Variants in CCDC148 observed in about 807,000 individuals in gnomAD.
CCDC148 encodes coiled-coil domain-containing protein 148.
In CCDC148, 89 loss-of-function variants were observed where a neutral mutation model predicts 85.7. The observed-to-expected ratio is 1.04, with a 90% CI of 0.87 to 1.24. CCDC148 has a LOEUF of 1.24. Among genes scored for constraint, CCDC148 ranks in the 50% most tolerant of loss-of-function variants. CCDC148 has a pLI of 0.00. For missense variants in CCDC148, 692 were observed against 671.7 expected (o/e 1.03, Z -0.33); for synonymous variants, 230 against 213.9 (o/e 1.08, Z -0.66).
chr2:158,248,026 C>G lies in CCDC148; in HGVS notation c.1251+2746G>C, dbSNP rs534617143. ...ATCAACCCATCATCTAGGTTTTAAG[C>G]CCTGCATGCATTAGGTATTTGTCCT... On this transcript the variant is annotated intron_variant, in intron 10 of 13. Coordinates refer to ENST00000283233, the MANE Select transcript of CCDC148 (RefSeq NM_138803.4). Among the ~76,000 whole-genome samples, 35 of 152,180 alleles carry G rather than the reference C, an allele frequency of 2.3e-4. No homozygotes were observed. The East Asian group carries it at 6.4e-3, about 28-fold the overall frequency.
At chr2:158,192,583 T>C (rs1394374217) in intron 11 of CCDC148, among the ~76,000 whole-genome samples, 1 of 152,052 alleles carries the variant, frequency 6.6e-6, no homozygotes, top group Non-Finnish European at 1.5e-5. Context: ...GAGGTGGTTG[T>C]GTCTCTTTGT....
At chr2:158,369,573 G>T (rs1206201523) in intron 1 of CCDC148, among the ~76,000 whole-genome samples, 1 of 152,138 alleles carries the variant, frequency 6.6e-6, no homozygotes, top group Non-Finnish European at 1.5e-5. Context: ...CTTTTGGGCT[G>T]AGACAATGGG....
At chr2:158,190,290 A>T (rs1685360958) in intron 11 of CCDC148, among the ~76,000 whole-genome samples, 1 of 152,008 alleles carries the variant, frequency 6.6e-6, no homozygotes, top group African/African-American at 2.4e-5. Context: ...GAAATTATTT[A>T]TCATGAACTG....
intron 10 of CCDC148, among the ~76,000 whole-genome samples, chr2:158,226,181 A>C (rs1439108310): frequency 6.6e-6 from 1 of 152,336 alleles, no homozygotes; most frequent in African/African-American, 2.4e-5. Context: ...GAACACCTCT[A>C]TGCAAATAAA....
Position 158,313,898 on chromosome 2 carries a change from G to C in CCDC148, c.765-4C>G. 6.2e-7 allele frequency: 1 copy of C among 1,609,106 alleles called. No individual in the cohort carries two copies. Among genetic ancestry groups the C allele is most frequent in the South Asian group, 1.1e-5 (1 of 90,118 alleles). On this transcript the variant is annotated splice_polypyrimidine_tract_variant and splice_region_variant and intron_variant, in intron 7 of 13. Coordinates refer to ENST00000283233, the MANE Select transcript of CCDC148 (RefSeq NM_138803.4). ...TTCTTCACTTAGTTGACAGTTTCTA[G>C]AAGCAACAAAAATGTCACAACATAT... is the stretch of plus-strand genomic sequence containing the variant.
rs532209152 is a variant in CCDC148 at position 158,217,694 on chromosome 2, G to A, written c.1370+2901C>T. Among the ~76,000 whole-genome samples, 6 of 151,684 alleles carry A rather than the reference G, an allele frequency of 4.0e-5. No homozygotes were observed. The South Asian group carries it at 8.3e-4, about 21-fold the overall frequency. On this transcript the variant is annotated intron_variant, in intron 11 of 13. Transcript: ENST00000283233. ...GCTGGGATTATAGGCATGAGCCACC[G>A]CACCCGGTCGAATATTGTTTTTAAG...
chr2:158,375,298 A>G (rs1418870666), intron 1 of CCDC148, among the ~76,000 whole-genome samples: 1 of 152,086 alleles, frequency 6.6e-6, no homozygotes. Context: ...TATATAATGA[A>G]ATAATTTTTA....
chr2:158,240,454 A>T (rs12620221), intron 10 of CCDC148, among the ~76,000 whole-genome samples: 762 of 37,312 alleles, frequency 0.02, 7 homozygotes, highest in African/African-American at 0.05. Context: ...TCTCTCTCTC[A>T]CACACACACA....
At chr2:158,255,288 G>T (rs981170940) in intron 9 of CCDC148, among the ~76,000 whole-genome samples, 2 of 151,288 alleles carry the variant, frequency 1.3e-5, no homozygotes, top group African/African-American at 4.8e-5. Flanking sequence ...TAATTATAAT[G>T]GTACCAGGAA....
At chr2:158,287,264 C>T (rs766303913) in intron 9 of CCDC148, among the ~76,000 whole-genome samples, 9 of 152,040 alleles carry the variant, frequency 5.9e-5, no homozygotes, top group Non-Finnish European at 8.8e-5. Context: ...CATATCATTC[C>T]ACCCTGTCCC....
chr2:158,372,537 T>A (rs1684485926), intron 1 of CCDC148, among the ~76,000 whole-genome samples: 1 of 151,936 alleles, frequency 6.6e-6, no homozygotes. Context: ...AATTTGGGAG[T>A]CTACTTTCCC....
chr2:158,224,812 A>G (rs1199879161), intron 10 of CCDC148, among the ~76,000 whole-genome samples: 2 of 152,202 alleles, frequency 1.3e-5, no homozygotes, highest in African/African-American at 4.8e-5. Flanking sequence ...AGCACTAAAC[A>G]TGGAAAGGAA....
At position 158,234,714 on chromosome 2, in the gene CCDC148, G is replaced by A. The variant is rs78429828; in HGVS notation, c.1252-14001C>T. ...ACTATGCAACCACTAAAAATTATGC[G>A]GCAGGAGAAAAAGGGGAAAATATGC... On this transcript the variant is annotated intron_variant, in intron 10 of 13. Transcript: ENST00000283233. Among the ~76,000 whole-genome samples the A allele has an allele frequency of 7.9e-3, 1,205 of 151,982 alleles. 8 individuals are homozygous for A. The highest frequency in any genetic ancestry group is 0.024 in the Middle Eastern group (7 of 292).
chr2:158,191,418 C>T (rs1424582291), intron 11 of CCDC148, among the ~76,000 whole-genome samples: 1 of 151,946 alleles, frequency 6.6e-6, no homozygotes, highest in Non-Finnish European at 1.5e-5. Flanking sequence ...AGAGGCTTCA[C>T]AAACAGCCTC....
intron 1 of CCDC148, among the ~76,000 whole-genome samples, chr2:158,431,982 A>G (rs1290053811): frequency 2.6e-5 from 4 of 152,178 alleles, no homozygotes; most frequent in Non-Finnish European, 5.9e-5. Flanking sequence ...CCACACATAT[A>G]CATGAAAAAT....
At chr2:158,367,703 T>C (rs1559103443) in intron 1 of CCDC148, among the ~76,000 whole-genome samples, 1 of 152,192 alleles carries the variant, frequency 6.6e-6, no homozygotes, top group Non-Finnish European at 1.5e-5. Flanking sequence ...CTTCATGAAC[T>C]GGAAACCTCA....
intron 1 of CCDC148, among the ~76,000 whole-genome samples, chr2:158,422,010 A>C (rs1686817845): frequency 6.6e-6 from 1 of 152,218 alleles, no homozygotes; most frequent in Non-Finnish European, 1.5e-5. Flanking sequence ...AAATTCCTGG[A>C]CACATACAAC....
chr2:158,340,484 T>C (rs1682625947), intron 4 of CCDC148, 91 bp from the exon 5 acceptor site: 1 of 1,487,266 alleles, frequency 6.7e-7, no homozygotes, highest in Non-Finnish European at 9.1e-7. Context: ...TATTTGGGGA[T>C]TTCCTTAGAA....
chr2:158,206,247 G>C (rs910769760), intron 11 of CCDC148, among the ~76,000 whole-genome samples: 2 of 152,098 alleles, frequency 1.3e-5, no homozygotes, highest in African/African-American at 4.8e-5. Flanking sequence ...GCCACCAGAT[G>C]CTTCTAGGAG....
Sources: allele counts gnomAD v4.1 joint callset (sites outside exome capture counted in the v4.1 genomes callset), GRCh38; gene constraint gnomAD v4.1.1; transcripts MANE v1.5; gene names NCBI Gene and HGNC (gene_info 2026-07-23, HGNC 2026-07-21).